SDHAF3: variants seen among roughly 807,000 people sequenced by gnomAD.
SDHAF3 encodes succinate dehydrogenase complex assembly factor 3, also known as succinate dehydrogenase assembly factor 3, mitochondrial.
SDHAF3 carries 18 observed loss-of-function variants against 11.5 expected under a neutral mutation model. The observed-to-expected ratio is 1.56, with a 90% CI of 1.08 to 2.32. SDHAF3 has a LOEUF of 2.32. Ranked by LOEUF, SDHAF3 falls within the 30% of genes most tolerant of loss-of-function variation. The probability of loss-of-function intolerance (pLI) is 0.00; values close to 1 mark genes in which losing one functional copy is unlikely to be tolerated. For synonymous variants in SDHAF3, 72 were observed against 59.3 expected (o/e 1.21, Z -0.99); for missense variants, 200 against 154.4 (o/e 1.30, Z -1.57).
chr7:97,175,315 G>A (rs962302853), intron 1 of SDHAF3, among the ~76,000 whole-genome samples: 4 of 152,086 alleles, frequency 2.6e-5, no homozygotes, highest in African/African-American at 9.7e-5. Flanking sequence ...GTGAAGGTTT[G>A]TTGCATAGGT....
At chr7:97,173,377 A>C (rs1351910540) in intron 1 of SDHAF3, among the ~76,000 whole-genome samples, 3 of 152,068 alleles carry the variant, frequency 2.0e-5, no homozygotes, top group Non-Finnish European at 4.4e-5. Context: ...TGTACCTATC[A>C]CTCGACTTCA....
intron 1 of SDHAF3, among the ~76,000 whole-genome samples, chr7:97,177,073 G>T (rs186262544): frequency 4.0e-4 from 61 of 152,002 alleles, no homozygotes; most frequent in Admixed American, 2.5e-3. Context: ...TTTTAAAAAA[G>T]ATTTTTGCTT....
At chr7:97,171,638 A>AT (rs1372590781) in intron 1 of SDHAF3, among the ~76,000 whole-genome samples, 2 of 152,178 alleles carry the variant, frequency 1.3e-5, no homozygotes, top group East Asian at 3.9e-4. Context: ...TAATAATGCT[A>AT]TTTTCATAAA....
intron 1 of SDHAF3, among the ~76,000 whole-genome samples, chr7:97,156,662 A>G (rs961576930): frequency 6.6e-6 from 1 of 152,162 alleles, no homozygotes; most frequent in Non-Finnish European, 1.5e-5. Context: ...GTGCAGGGGA[A>G]CAGGAGAACT....
chr7:97,180,686 CG>C (rs1789756106), intron 1 of SDHAF3, among the ~76,000 whole-genome samples: 1 of 152,166 alleles, frequency 6.6e-6, no homozygotes, highest in African/African-American at 2.4e-5. Flanking sequence ...AAATGATGTC[CG>C]TACTTGTGTA....
In SDHAF3 at chr7:97,117,833, A is replaced by G; in HGVS notation, c.110A>G (p.Asp37Gly). 1 of 1,614,188 alleles carries G rather than the reference A, an allele frequency of 6.2e-7. No homozygotes were observed. Among genetic ancestry groups the G allele is most frequent in the Non-Finnish European group, 8.5e-7 (1 of 1,180,030 alleles). Residue 37 changes from aspartate (D) to glycine (G), a missense_variant, in exon 1 of 2, where the codon GAC becomes GGC. Asp to Gly is a moderately conservative substitution (Grantham distance 94, BLOSUM62 -1). Transcript: ENST00000432641. ...TCCCTGGGCGACCAGTACGTGAAAG[A>G]CGAATTTAGGAGACATAAGACCGTT... ...LKSLGDQYVK[D>G]EFRRHKTVGS...
chr7:97,160,870 TA>T (rs1426239316), intron 1 of SDHAF3, among the ~76,000 whole-genome samples: 1 of 152,196 alleles, frequency 6.6e-6, no homozygotes, highest in African/African-American at 2.4e-5. Context: ...GTAGGAAAAT[TA>T]TTTTTTGGAA....
intron 1 of SDHAF3, among the ~76,000 whole-genome samples, chr7:97,123,433 G>T (rs1292517344): frequency 6.6e-6 from 1 of 152,080 alleles, no homozygotes; most frequent in Non-Finnish European, 1.5e-5. Context: ...CTTTGCTATT[G>T]TAAATAGTGC....
chr7:97,121,854 G>GTTTTTTTTTTTTTT (rs56186976), intron 1 of SDHAF3, among the ~76,000 whole-genome samples: 44 of 129,886 alleles, frequency 3.4e-4, no homozygotes, highest in South Asian at 7.3e-4. Context: ...TTTTTTTTTT[G>GTTTTTTTTTTTTTT]TTTTTTTTTT....
At chr7:97,132,409 T>C (rs902829452) in intron 1 of SDHAF3, among the ~76,000 whole-genome samples, 5 of 152,118 alleles carry the variant, frequency 3.3e-5, no homozygotes, top group African/African-American at 1.2e-4. Flanking sequence ...AGAAAAAATA[T>C]TTGGAGTCTA....
At chr7:97,174,219 T>G (rs1789647473) in intron 1 of SDHAF3, among the ~76,000 whole-genome samples, 1 of 152,202 alleles carries the variant, frequency 6.6e-6, no homozygotes, top group African/African-American at 2.4e-5. Flanking sequence ...GTGAGCATTT[T>G]TGTTCAAATA....
At chr7:97,120,532 G>T (rs1461429675) in intron 1 of SDHAF3, among the ~76,000 whole-genome samples, 1 of 151,520 alleles carries the variant, frequency 6.6e-6, no homozygotes, top group Non-Finnish European at 1.5e-5. Context: ...TTATGATTAT[G>T]TTATACTAGA....
intron 1 of SDHAF3, among the ~76,000 whole-genome samples, chr7:97,164,626 C>T (rs968633094): frequency 6.6e-6 from 1 of 151,962 alleles, no homozygotes; most frequent in African/African-American, 2.4e-5. Flanking sequence ...CCACCCCTCT[C>T]GGCCTCCCAA....
chr7:97,177,450 C>T (rs1465076615), intron 1 of SDHAF3, among the ~76,000 whole-genome samples: 2 of 151,904 alleles, frequency 1.3e-5, no homozygotes, highest in African/African-American at 2.4e-5. Context: ...TGTAGTGAGC[C>T]GAGATCGCGC....
intron 1 of SDHAF3, among the ~76,000 whole-genome samples, chr7:97,139,293 CTGAAGGTGGGTAG>C (rs1562822758): frequency 6.6e-6 from 1 of 152,172 alleles, no homozygotes; most frequent in Non-Finnish European, 1.5e-5. Flanking sequence ...GGTCCCCCAC[CTGAAGGTGGGTAG>C]TCCCCCACAC....
intron 1 of SDHAF3, among the ~76,000 whole-genome samples, chr7:97,147,791 T>G (rs73708875): frequency 0.012 from 1,882 of 152,348 alleles, 40 homozygotes; most frequent in African/African-American, 0.042. Context: ...TGCATGTACA[T>G]TCCTCTCAAA....
chr7:97,135,668 G>GTGTATATATATATA (rs1491487810), intron 1 of SDHAF3: 2 of 63,934 alleles, frequency 3.1e-5, no homozygotes, highest in African/African-American at 1.4e-4. Flanking sequence ...GTGTGTGTGT[G>GTGTATATATATATA]TATATATATA....
chr7:97,156,491 CT>C (rs1789302633), intron 1 of SDHAF3, among the ~76,000 whole-genome samples: 2 of 152,128 alleles, frequency 1.3e-5, no homozygotes, highest in Non-Finnish European at 2.9e-5. Flanking sequence ...TCAGAACATT[CT>C]TTATGGGCAT....
intron 1 of SDHAF3, among the ~76,000 whole-genome samples, chr7:97,173,194 A>G (rs1226732109): frequency 6.6e-6 from 1 of 152,214 alleles, no homozygotes; most frequent in Non-Finnish European, 1.5e-5. Flanking sequence ...AGCTTTGTTG[A>G]GAAGAAATTT....
Sources: gnomAD v4.1 joint callset for allele counts (sites outside exome capture counted in the v4.1 genomes callset) on GRCh38, gnomAD v4.1.1 for gene constraint, MANE v1.5 for transcripts, NCBI Gene and HGNC (gene_info 2026-07-23, HGNC 2026-07-21) for gene names.